Variants in DESI2 observed in about 807,000 individuals in gnomAD.
DESI2 encodes the protein deubiquitinase DESI2.
In DESI2, 10 loss-of-function variants were observed where a neutral mutation model predicts 24.1. That is an observed-to-expected ratio of 0.41 (90% CI 0.26 to 0.70). The LOEUF (loss-of-function observed/expected upper bound fraction) is 0.70, where lower values mean the gene tolerates loss of function less well. Ranked by LOEUF, DESI2 falls within the 30% of genes least tolerant of loss-of-function variation. The pLI is 0.29. For missense variants in DESI2, 122 were observed against 234.9 expected, an observed-to-expected ratio of 0.52 and a Z score of 3.14; for synonymous variants, 71 against 87.7, an observed-to-expected ratio of 0.81 and a Z score of 1.06.
intron 1 of DESI2, among the ~76,000 whole-genome samples, chr1:244,655,341 A>G (rs914550863): frequency 1.3e-5 from 2 of 152,222 alleles, no homozygotes; most frequent in Non-Finnish European, 2.9e-5. Context: ...TTATGTCTTT[A>G]TATTGCTTTT....
intron 4 of DESI2, among the ~76,000 whole-genome samples, chr1:244,695,603 A>C (rs372177231): frequency 1.3e-5 from 2 of 152,362 alleles, no homozygotes; most frequent in East Asian, 3.9e-4. Context: ...CAGTGAGCAG[A>C]GATGGTGCTG....
intron 1 of DESI2, among the ~76,000 whole-genome samples, chr1:244,662,124 C>T (rs1675868369): frequency 6.6e-6 from 1 of 152,196 alleles, no homozygotes; most frequent in Non-Finnish European, 1.5e-5. Context: ...GAAGGTATCT[C>T]ATTGTGGTTT....
At chr1:244,695,408 C>T (rs553403044) in intron 4 of DESI2, among the ~76,000 whole-genome samples, 2 of 152,350 alleles carry the variant, frequency 1.3e-5, no homozygotes, top group South Asian at 2.1e-4. Context: ...AATCCCAGCA[C>T]TTTGGGAGGC....
chr1:244,704,667 G>T (rs1677620855), intron 4 of DESI2, among the ~76,000 whole-genome samples: 1 of 151,758 alleles, frequency 6.6e-6, no homozygotes, highest in South Asian at 2.1e-4. Flanking sequence ...AAAACACTTT[G>T]TGTGTGTGTG....
At chr1:244,663,104 A>G (rs1326804233) in intron 1 of DESI2, among the ~76,000 whole-genome samples, 1 of 152,168 alleles carries the variant, frequency 6.6e-6, no homozygotes, top group Admixed American at 6.5e-5. Context: ...ATTCAAGTAG[A>G]AGGGTCAAAA....
At chr1:244,653,789 T>C (rs1202920130) in intron 1 of DESI2, 1 of 367,772 alleles carries the variant, frequency 2.7e-6, no homozygotes, top group Non-Finnish European at 5.4e-6. Flanking sequence ...TCTCTCTCCA[T>C]GGCTACGTCT....
In DESI2 at chr1:244,691,958, A is replaced by G; in HGVS notation, c.289A>G (p.Lys97Glu). The part of the protein sequence containing the change: ...KIVEELGKEY[K>E]GNAYHLMHKN... ...TGTAGAAGAACTGGGAAAAGAATACAAAGGCAATGCTTATCATTTAATGCA... is the reference window on the plus strand; with the variant it reads ...TGTAGAAGAACTGGGAAAAGAATACGAAGGCAATGCTTATCATTTAATGCA... Residue 97 changes from lysine to glutamate, a missense_variant, in exon 4 of 5, where the codon AAA becomes GAA. Around this residue, in one of 6 missense-constraint regions of DESI2, gnomAD observed 23 missense variants for 28.5 expected, o/e 0.81. Transcript: ENST00000302550. 6.2e-7 allele frequency: 1 copy of G among 1,605,392 alleles called. No individual in the cohort carries two copies. Among genetic ancestry groups the G allele is most frequent in the East Asian group, 2.2e-5 (1 of 44,536 alleles).
At chr1:244,696,379 T>C (rs1677216800) in intron 4 of DESI2, among the ~76,000 whole-genome samples, 1 of 152,146 alleles carries the variant, frequency 6.6e-6, no homozygotes, top group African/African-American at 2.4e-5. Flanking sequence ...CCCAGTACTT[T>C]GGGAGGCTGA....
chr1:244,661,566 C>T (rs577072068), intron 1 of DESI2, among the ~76,000 whole-genome samples: 2 of 152,100 alleles, frequency 1.3e-5, no homozygotes, highest in Non-Finnish European at 1.5e-5. Context: ...CCGCTCCCCC[C>T]ACCCCACCAC....
chr1:244,655,896 A>G (rs1438991687), intron 1 of DESI2, among the ~76,000 whole-genome samples: 1 of 152,200 alleles, frequency 6.6e-6, no homozygotes, highest in Non-Finnish European at 1.5e-5. Context: ...GGCTTGGGTG[A>G]AGGGCTGAGG....
At chr1:244,663,247 G>T (rs1320621173) in intron 1 of DESI2, among the ~76,000 whole-genome samples, 2 of 151,902 alleles carry the variant, frequency 1.3e-5, no homozygotes, top group Non-Finnish European at 2.9e-5. Context: ...ATCCGTCTCG[G>T]CTCAGTGCAA....
At chr1:244,663,839 A>G (rs1324819693) in intron 1 of DESI2, among the ~76,000 whole-genome samples, 3 of 151,954 alleles carry the variant, frequency 2.0e-5, no homozygotes, top group Non-Finnish European at 4.4e-5. Flanking sequence ...TAACACGGTG[A>G]AACCCCATCT....
chr1:244,705,445 T>C (rs757296615), intron 4 of DESI2, 111 bp from the exon 5 acceptor site: 1 of 788,014 alleles, frequency 1.3e-6, no homozygotes, highest in Non-Finnish European at 2.1e-6. Context: ...AAGGCTAGTC[T>C]GCCGTGGCTT....
chr1:244,657,329 C>G (rs1380889779), intron 1 of DESI2, among the ~76,000 whole-genome samples: 1 of 152,080 alleles, frequency 6.6e-6, no homozygotes, highest in African/African-American at 2.4e-5. Context: ...TAAATGGTTC[C>G]TTCGTATCTC....
At chr1:244,679,582 ATTTT>A (rs1439473235) in intron 1 of DESI2, among the ~76,000 whole-genome samples, 2 of 152,168 alleles carry the variant, frequency 1.3e-5, no homozygotes, top group African/African-American at 4.8e-5. Flanking sequence ...CCAAGAAGAC[ATTTT>A]CTGGCTTGGC....
intron 1 of DESI2, among the ~76,000 whole-genome samples, chr1:244,683,370 GGC>G (rs1307442604): frequency 2.2e-4 from 34 of 152,048 alleles, no homozygotes; most frequent in Admixed American, 1.4e-3. Context: ...GGAGTGCAGT[GGC>G]GTGATCTCGG....
intron 1 of DESI2, among the ~76,000 whole-genome samples, chr1:244,677,280 T>G (rs1264589385): frequency 1.3e-5 from 2 of 152,198 alleles, no homozygotes; most frequent in Non-Finnish European, 2.9e-5. Context: ...TGAGTCAGTT[T>G]TGGTAGCTTG....
intron 1 of DESI2, among the ~76,000 whole-genome samples, chr1:244,663,085 AAGTC>A (rs567877554): frequency 8.5e-4 from 129 of 152,316 alleles, no homozygotes; most frequent in African/African-American, 3.0e-3. Context: ...AAGATTTAGA[AAGTC>A]AGAAATTCAA....
chr1:244,700,724 A>G (rs540072881), intron 4 of DESI2, among the ~76,000 whole-genome samples: 1 of 152,332 alleles, frequency 6.6e-6, no homozygotes, highest in South Asian at 2.1e-4. Context: ...TCAATGAGAT[A>G]GCTACATTTT....
Sources: gnomAD v4.1 joint callset for allele counts (sites outside exome capture counted in the v4.1 genomes callset) on GRCh38, gnomAD v4.1.1 for gene constraint, gnomAD v4.1.1 regional missense constraint, MANE v1.5 for transcripts, NCBI Gene and HGNC (gene_info 2026-07-23, HGNC 2026-07-21) for gene names.